RRM2: variants seen among roughly 807,000 people sequenced by gnomAD.
RRM2 encodes the protein ribonucleotide reductase regulatory subunit M2.
In RRM2, 6 loss-of-function variants were observed where a neutral mutation model predicts 45.9. The ratio of observed to expected loss-of-function variants is 0.13; its 90% CI spans 0.07 to 0.26. The LOEUF (loss-of-function observed/expected upper bound fraction) is 0.26, where lower values mean the gene tolerates loss of function less well. Among genes scored for constraint, RRM2 ranks in the 10% least tolerant of loss-of-function variants. The pLI is 1.00. For synonymous variants in RRM2, 177 were observed against 173.0 expected (o/e 1.02, Z -0.18); for missense variants, 343 against 489.5 (o/e 0.70, Z 2.82).
downstream of RRM2, among the ~76,000 whole-genome samples, chr2:10,132,278 CCCCT>C (rs1662916444): frequency 6.6e-6 from 1 of 152,194 alleles, no homozygotes; most frequent in South Asian, 2.1e-4. Context: ...AGAGGGGAGG[CCCCT>C]CCCTCTGGAG....
chr2:10,138,318 C>T (rs1663026339), upstream of RRM2, among the ~76,000 whole-genome samples: 1 of 152,154 alleles, frequency 6.6e-6, no homozygotes, highest in Non-Finnish European at 1.5e-5. Context: ...CGGGCACATG[C>T]CACCATGCCC....
chr2:10,128,814 T>C, intron 7 of RRM2, 34 bp from the exon 8 acceptor site: 2 of 1,444,886 alleles, frequency 1.4e-6, no homozygotes, highest in Non-Finnish European at 1.9e-6. Flanking sequence ...ACAGAAGTCT[T>C]CTGGCTTTAG....
At chr2:10,124,883 G>A (rs1193639359) in intron 5 of RRM2, 33 bp downstream of exon 5, 1 of 1,571,220 alleles carries the variant, frequency 6.4e-7, no homozygotes, top group East Asian at 2.3e-5. Flanking sequence ...AAGATTTTTA[G>A]GACTCACTAA....
At chr2:10,198,134 A>G (rs934033441) in intron 3 of RRM2, among the ~76,000 whole-genome samples, 1 of 152,248 alleles carries the variant, frequency 6.6e-6, no homozygotes, top group East Asian at 1.9e-4. Flanking sequence ...TACCGCATAC[A>G]TCCCTTTCGG....
At chr2:10,186,552 T>A (rs901297316) in intron 3 of RRM2, among the ~76,000 whole-genome samples, 3 of 152,174 alleles carry the variant, frequency 2.0e-5, no homozygotes, top group Non-Finnish European at 4.4e-5. Flanking sequence ...AGCAGAGACC[T>A]GCAGGTCCAC....
chr2:10,139,715 C>T (rs946160049), upstream of RRM2, among the ~76,000 whole-genome samples: 8 of 152,310 alleles, frequency 5.3e-5, no homozygotes, highest in African/African-American at 1.9e-4. Context: ...TGGACTGTCC[C>T]AGGCCCCTTG....
intron 3 of RRM2, among the ~76,000 whole-genome samples, chr2:10,145,075 G>A (rs1032060068): frequency 1.3e-5 from 2 of 152,144 alleles, no homozygotes; most frequent in Non-Finnish European, 2.9e-5. Context: ...AGCTGCGGGA[G>A]GGAAAGGAGG....
intron 3 of RRM2, among the ~76,000 whole-genome samples, chr2:10,194,444 C>A (rs1664371207): frequency 6.6e-6 from 1 of 152,224 alleles, no homozygotes; most frequent in African/African-American, 2.4e-5. Flanking sequence ...TTGTGCGGGC[C>A]CAAATGGGAT....
At chr2:10,167,980 G>A (rs570177043) in intron 3 of RRM2, among the ~76,000 whole-genome samples, 2 of 151,880 alleles carry the variant, frequency 1.3e-5, no homozygotes, top group South Asian at 4.2e-4. Context: ...TGTGTTTGGG[G>A]GTCTGAGAAA....
chr2:10,160,749 C>T (rs544582441), intron 3 of RRM2, among the ~76,000 whole-genome samples: 7 of 152,356 alleles, frequency 4.6e-5, no homozygotes, highest in Admixed American at 1.3e-4. Context: ...AACCCCTGGA[C>T]GTCAGGACAC....
At chr2:10,164,422 A>G (rs1217458995) in intron 3 of RRM2, among the ~76,000 whole-genome samples, 1 of 152,166 alleles carries the variant, frequency 6.6e-6, no homozygotes, top group Admixed American at 6.5e-5. Flanking sequence ...AGTGCTCAAT[A>G]CATTTTATCA....
Position 10,129,107 on chromosome 2 carries a change from A to C in RRM2, c.970A>C (p.Ile324Leu). Residue 324 changes from isoleucine to leucine, a missense_variant, in exon 9 of 10, where the codon ATT becomes CTT. By Grantham distance (5) the Ile-to-Leu change is conservative. Transcript: ENST00000304567. The surrounding 1 kb of genome is among the most constrained non-coding windows in gnomAD (Gnocchi z 4.8). ...GMNCTLMKQY[I>L]EFVADRLMLE... ...GAATTGCACTCTAATGAAGCAATAC[A>C]TTGAGTTTGTGGCAGACAGACTTAT... 6.2e-7 allele frequency: 1 copy of C among 1,614,232 alleles called. No individual in the cohort carries two copies. The highest frequency in any genetic ancestry group is 1.1e-5 in the South Asian group (1 of 91,088).
chr2:10,128,502 T>C (rs533843695), intron 7 of RRM2, among the ~76,000 whole-genome samples: 9 of 152,368 alleles, frequency 5.9e-5, no homozygotes, highest in African/African-American at 1.9e-4. Context: ...AGCTTTGCCT[T>C]TCCTGCTGGG....
At chr2:10,177,990 C>T (rs1236674273) in intron 3 of RRM2, among the ~76,000 whole-genome samples, 3 of 150,900 alleles carry the variant, frequency 2.0e-5, no homozygotes, top group Non-Finnish European at 2.9e-5. Context: ...GGCGCGATCT[C>T]GGCTCACTGC....
chr2:10,208,072 A>C (rs1385557114), intron 3 of RRM2, among the ~76,000 whole-genome samples: 4 of 152,228 alleles, frequency 2.6e-5, no homozygotes, highest in Non-Finnish European at 5.9e-5. Context: ...AATAGTAAGT[A>C]AGAGCCATAA....
chr2:10,124,350 C>T (rs1274228543), intron 4 of RRM2, among the ~76,000 whole-genome samples: 1 of 152,182 alleles, frequency 6.6e-6, no homozygotes, highest in Non-Finnish European at 1.5e-5. Flanking sequence ...AGGTGATCCA[C>T]CCACCTTGGC....
intron 3 of RRM2, among the ~76,000 whole-genome samples, chr2:10,150,132 G>A (rs532313594): frequency 6.6e-6 from 1 of 152,068 alleles, no homozygotes; most frequent in Admixed American, 6.6e-5. Context: ...TGGCCAAGAA[G>A]GTGAAACCCC....
At chr2:10,182,688 A>AT (rs1303161314) in intron 3 of RRM2, among the ~76,000 whole-genome samples, 1 of 152,204 alleles carries the variant, frequency 6.6e-6, no homozygotes, top group Admixed American at 6.5e-5. Context: ...CCTTAATAGG[A>AT]TGAGCCATGA....
Position 10,172,025 on chromosome 2 carries a change from C to T in RRM2, n.482+29650C>T, listed in dbSNP as rs558315542. On this transcript the variant is annotated intron_variant and non_coding_transcript_variant, in intron 3 of 3. Coordinates refer to the RRM2 transcript ENST00000381786. This position sits in a 1 kb window ranked among gnomAD's most constrained non-coding sequence, Gnocchi z 4.9. ...GCCCTGCTAGTCCAGGCCGGGCCAG[C>T]GCCCAAGGATGAGGGGAAGCACAGC... 6.6e-6 allele frequency among the ~76,000 whole-genome samples: 1 copy of T among 152,278 alleles called. No individual in the cohort carries two copies. The highest frequency in any genetic ancestry group is 2.4e-5 in the African/African-American group (1 of 41,552).
Sources: allele counts gnomAD v4.1 joint callset (sites outside exome capture counted in the v4.1 genomes callset), GRCh38; gene constraint gnomAD v4.1.1; non-coding constraint Gnocchi (gnomAD v3.1); transcripts MANE v1.5; gene names NCBI Gene and HGNC (gene_info 2026-07-23, HGNC 2026-07-21).